The following TAFA1 variants were observed in gnomAD, a reference collection of about 807,000 sequenced individuals.
TAFA1 encodes the protein chemokine-like protein TAFA-1.
In TAFA1, 4 loss-of-function variants were observed where a neutral mutation model predicts 18.5. The observed-to-expected ratio is 0.22, with a 90% CI of 0.11 to 0.49. The LOEUF (loss-of-function observed/expected upper bound fraction) is 0.49, where lower values mean the gene tolerates loss of function less well. TAFA1 is among the 20% of genes least tolerant of loss of function. The probability of loss-of-function intolerance (pLI) is 0.98; values close to 1 mark genes in which losing one functional copy is unlikely to be tolerated. For missense variants in TAFA1, 147 were observed against 169.0 expected (o/e 0.87, Z 0.72); for synonymous variants, 56 against 55.2 (o/e 1.01, Z -0.06).
chr3:68,110,312 C>A (rs1388860529), intron 2 of TAFA1, among the ~76,000 whole-genome samples: 1 of 152,148 alleles, frequency 6.6e-6, no homozygotes, highest in East Asian at 1.9e-4. Context: ...TGAGCTCATT[C>A]CTTTTTATGG....
intron 3 of TAFA1, among the ~76,000 whole-genome samples, chr3:68,483,988 C>T (rs972516738): frequency 5.3e-5 from 8 of 152,222 alleles, no homozygotes; most frequent in Non-Finnish European, 8.8e-5. Context: ...TTTACAATAA[C>T]ACTGTCCAAT....
intron 2 of TAFA1, among the ~76,000 whole-genome samples, chr3:68,073,375 G>A (rs1256192720): frequency 1.3e-5 from 2 of 152,322 alleles, no homozygotes; most frequent in African/African-American, 2.4e-5. Flanking sequence ...AAGGTCCACA[G>A]GACTAGAGCA....
chr3:68,382,805 C>T (rs981456868), intron 2 of TAFA1, among the ~76,000 whole-genome samples: 1 of 152,078 alleles, frequency 6.6e-6, no homozygotes, highest in Admixed American at 6.6e-5. Context: ...GACAGTATGG[C>T]CATTTTAATG....
chr3:68,068,667 T>G (rs1216865133), intron 2 of TAFA1, among the ~76,000 whole-genome samples: 1 of 152,230 alleles, frequency 6.6e-6, no homozygotes, highest in Non-Finnish European at 1.5e-5. Flanking sequence ...TTCAAAATTA[T>G]TCTTTGCCTG....
At chr3:68,380,385 C>CAGTGTAAA (rs1233754079) in intron 2 of TAFA1, among the ~76,000 whole-genome samples, 1 of 152,188 alleles carries the variant, frequency 6.6e-6, no homozygotes, top group Non-Finnish European at 1.5e-5. Context: ...GTCCCACCAA[C>CAGTGTAAA]AGTGTAAAAG....
At chr3:68,167,943 C>T (rs545361132) in intron 2 of TAFA1, among the ~76,000 whole-genome samples, 3 of 152,008 alleles carry the variant, frequency 2.0e-5, no homozygotes, top group Non-Finnish European at 4.4e-5. Flanking sequence ...GGAGAACCCA[C>T]GTGTTTTTTT....
At chr3:68,461,810 T>C (rs963692061) in intron 3 of TAFA1, among the ~76,000 whole-genome samples, 8 of 152,002 alleles carry the variant, frequency 5.3e-5, no homozygotes, top group African/African-American at 1.9e-4. Flanking sequence ...TTTCTGATAC[T>C]CCACCCTGTG....
chr3:68,535,645 G>A (rs1352866690), intron 3 of TAFA1, among the ~76,000 whole-genome samples: 2 of 152,108 alleles, frequency 1.3e-5, no homozygotes, highest in African/African-American at 4.8e-5. Flanking sequence ...CAATATAATA[G>A]AGTAGACATG....
chr3:68,141,502 A>T (rs1193647156), intron 2 of TAFA1, among the ~76,000 whole-genome samples: 2 of 152,200 alleles, frequency 1.3e-5, no homozygotes, highest in African/African-American at 4.8e-5. Context: ...CCTTTTATTG[A>T]TAACTCCTCT....
chr3:68,333,862 T>C (rs1235059431), intron 2 of TAFA1, among the ~76,000 whole-genome samples: 2 of 152,184 alleles, frequency 1.3e-5, no homozygotes, highest in African/African-American at 4.8e-5. Context: ...ACAACATGGA[T>C]GAACCTGGAG....
intron 2 of TAFA1, among the ~76,000 whole-genome samples, chr3:68,024,805 G>GCACACA (rs3037727): frequency 0.3 from 22,320 of 73,508 alleles, 1,798 homozygotes; most frequent in East Asian, 0.48. Context: ...TCTCCTTAAT[G>GCACACA]CACACACACA....
At chr3:68,466,678 C>T (rs923486140) in intron 3 of TAFA1, among the ~76,000 whole-genome samples, 2 of 152,118 alleles carry the variant, frequency 1.3e-5, no homozygotes, top group Non-Finnish European at 2.9e-5. Context: ...TCCTCTCGGA[C>T]CCTAATAGCC....
chr3:68,373,291 A>G (rs1325257601), intron 2 of TAFA1, among the ~76,000 whole-genome samples: 1 of 152,220 alleles, frequency 6.6e-6, no homozygotes. Context: ...TTAATTCTAT[A>G]AGGGAAGAAG....
At chr3:68,170,256 T>C (rs757313498) in intron 2 of TAFA1, among the ~76,000 whole-genome samples, 25 of 152,136 alleles carry the variant, frequency 1.6e-4, no homozygotes, top group Non-Finnish European at 2.9e-4. Flanking sequence ...AAAAACAGTT[T>C]TGGGGCTCCC....
At chr3:68,534,334 A>G (rs1049844905) in intron 3 of TAFA1, among the ~76,000 whole-genome samples, 3 of 152,176 alleles carry the variant, frequency 2.0e-5, no homozygotes, top group South Asian at 2.1e-4. Context: ...CCAAGCCCCT[A>G]TTCTTTCTGT....
chr3:68,456,168 C>T (rs1341315011), intron 3 of TAFA1, among the ~76,000 whole-genome samples: 1 of 152,092 alleles, frequency 6.6e-6, no homozygotes, highest in African/African-American at 2.4e-5. Flanking sequence ...TTGTGCAGGC[C>T]TTCTTGCACA....
At chr3:68,020,460 C>T (rs770031481) in intron 2 of TAFA1, among the ~76,000 whole-genome samples, 8 of 151,686 alleles carry the variant, frequency 5.3e-5, no homozygotes, top group South Asian at 2.1e-4. Context: ...TAAGACATAG[C>T]GATAATGTGT....
chr3:68,034,659 C>T (rs74842507), intron 2 of TAFA1, among the ~76,000 whole-genome samples: 2,696 of 152,232 alleles, frequency 0.018, 100 homozygotes, highest in African/African-American at 0.062. Flanking sequence ...TGCTATTGCC[C>T]TTTCATGTCC....
intron 2 of TAFA1, among the ~76,000 whole-genome samples, chr3:68,131,319 G>A (rs904988779): frequency 2.0e-5 from 3 of 151,794 alleles, no homozygotes; most frequent in Non-Finnish European, 2.9e-5. Context: ...ACAGACACAC[G>A]CACACGCACG....
Sources: gnomAD v4.1 joint callset for allele counts (sites outside exome capture counted in the v4.1 genomes callset) on GRCh38, gnomAD v4.1.1 for gene constraint, MANE v1.5 for transcripts, NCBI Gene and HGNC (gene_info 2026-07-23, HGNC 2026-07-21) for gene names.